The following SLC24A1 variants were observed in gnomAD, a reference collection of about 807,000 sequenced individuals.
The protein encoded by SLC24A1 is solute carrier family 24 member 1, also known as sodium/potassium/calcium exchanger 1.
A neutral mutation model predicts 88.1 loss-of-function variants in SLC24A1; 52 were observed. That is an observed-to-expected ratio of 0.59 (90% CI 0.47 to 0.74). The LOEUF (loss-of-function observed/expected upper bound fraction) is 0.74. Among genes scored for constraint, SLC24A1 ranks in the 30% least tolerant of loss-of-function variants. The pLI, the probability that SLC24A1 is intolerant of heterozygous loss-of-function variation, is 0.00. For missense variants in SLC24A1, 1,173 were observed against 1,363.3 expected (o/e 0.86, Z 2.20); for synonymous variants, 455 against 498.0 (o/e 0.91, Z 1.15).
In SLC24A1 at chr15:65,624,061, A is replaced by G; in HGVS notation, c.-20A>G. ...AGGACAGAATGAGAGGCCTTCTGTA[A>G]CCAGATATAACTGGCCAGCATGGGG... On this transcript the variant is annotated 5_prime_UTR_variant, in exon 2 of 10. The change abolishes the stop of an existing upstream ORF in the 5' untranslated region. Coordinates refer to ENST00000261892, the MANE Select transcript of SLC24A1 (RefSeq NM_004727.3). 6.5e-7 allele frequency: 1 copy of G among 1,544,440 alleles called. No homozygotes were observed.
chr15:65,645,309 T>C (rs1211406123), intron 5 of SLC24A1, among the ~76,000 whole-genome samples: 1 of 152,208 alleles, frequency 6.6e-6, no homozygotes, highest in Non-Finnish European at 1.5e-5. Flanking sequence ...AGCTTTGCCC[T>C]CTCTCTGTTC....
intron 2 of SLC24A1, among the ~76,000 whole-genome samples, chr15:65,626,258 A>G (rs906062102): frequency 1.3e-4 from 20 of 152,192 alleles, no homozygotes; most frequent in African/African-American, 4.6e-4. Context: ...CCACATGTTC[A>G]AGGTCACACA....
chr15:65,619,394 T>G (rs1393144615), upstream of SLC24A1, among the ~76,000 whole-genome samples: 1 of 152,172 alleles, frequency 6.6e-6, no homozygotes, highest in Non-Finnish European at 1.5e-5. Flanking sequence ...ATTGGAATAC[T>G]TATTGGTGGG....
At chr15:65,635,211 G>A (rs1488124410) in intron 2 of SLC24A1, among the ~76,000 whole-genome samples, 1 of 151,944 alleles carries the variant, frequency 6.6e-6, no homozygotes, top group Admixed American at 6.5e-5. Flanking sequence ...TTGGCCAGGC[G>A]CAGTGGCTCA....
chr15:65,637,527 T>G (rs1197575080), intron 2 of SLC24A1, among the ~76,000 whole-genome samples: 1 of 152,178 alleles, frequency 6.6e-6, no homozygotes, highest in Non-Finnish European at 1.5e-5. Context: ...TAGAATAGAT[T>G]AAGTGTATTT....
chr15:65,619,767 G>A (rs550526952), upstream of SLC24A1, among the ~76,000 whole-genome samples: 8 of 152,254 alleles, frequency 5.3e-5, no homozygotes, highest in South Asian at 2.1e-4. Flanking sequence ...CCTCCTTGCC[G>A]TCCTGCCAAA....
In SLC24A1 at chr15:65,623,979, C is replaced by A; in HGVS notation, c.-102C>A. The A allele has an allele frequency of 9.2e-7, 1 of 1,088,482 alleles. No homozygotes were observed. The highest frequency in any genetic ancestry group is 1.3e-6 in the Non-Finnish European group (1 of 750,094). The allele number at this position is 1,088,482 out of a possible 1,614,324, so 67.4% of individuals were successfully genotyped here. A position where few individuals can be genotyped will look rare whatever the true frequency, so the allele number is the denominator to read the frequency against. ...GGGTTGTGGATACCCCCTGGCTGGGCTTCATGGAGAAATCTTCTCTGATCA... is the reference window on the plus strand; with the variant it reads ...GGGTTGTGGATACCCCCTGGCTGGGATTCATGGAGAAATCTTCTCTGATCA... On this transcript the variant is annotated 5_prime_UTR_variant, in exon 2 of 10. Coordinates refer to ENST00000261892, the MANE Select transcript of SLC24A1 (RefSeq NM_004727.3).
At chr15:65,644,583 C>A in intron 5 of SLC24A1, 70 bp downstream of exon 5, 1 of 1,135,240 alleles carries the variant, frequency 8.8e-7, no homozygotes, top group Non-Finnish European at 1.3e-6. Context: ...TGAGCTTGGC[C>A]TGGAGGCAGC....
intron 3 of SLC24A1, among the ~76,000 whole-genome samples, chr15:65,638,459 A>C (rs910869803): frequency 6.6e-6 from 1 of 152,142 alleles, no homozygotes; most frequent in Non-Finnish European, 1.5e-5. Context: ...TGAGCTTCAG[A>C]TTCTGCATCT....
intron 2 of SLC24A1, among the ~76,000 whole-genome samples, chr15:65,616,277 A>G (rs145109597): frequency 0.062 from 9,503 of 152,188 alleles, 315 homozygotes; most frequent in African/African-American, 0.091. Flanking sequence ...TGGTATTTCT[A>G]CTTCTAGATC....
At chr15:65,616,894 A>G (rs2074162971) in intron 2 of SLC24A1, among the ~76,000 whole-genome samples, 1 of 152,164 alleles carries the variant, frequency 6.6e-6, no homozygotes. Flanking sequence ...TCTTGAATTA[A>G]TTTTTGTATA....
In SLC24A1 at chr15:65,656,056, G is replaced by A; in HGVS notation, c.*1977G>A. On this transcript the variant is annotated 3_prime_UTR_variant, in exon 10 of 10. Coordinates refer to ENST00000261892, the MANE Select transcript of SLC24A1 (RefSeq NM_004727.3). Reference sequence around the variant, plus strand: ...GGAGGAGAAGGCAATGCTTGTGGGAGGGAGGTCCCAATACCAAAATTCTGG... The same window carrying A: ...GGAGGAGAAGGCAATGCTTGTGGGAAGGAGGTCCCAATACCAAAATTCTGG... 8.1e-6 allele frequency: 8 copies of A among 985,362 alleles called. No homozygotes were observed. The highest frequency in any genetic ancestry group is 9.6e-6 in the Non-Finnish European group (8 of 829,902). The allele number at this position is 985,362 out of a possible 1,614,324, so 61.0% of individuals were successfully genotyped here. A position where few individuals can be genotyped will look rare whatever the true frequency, so the allele number is the denominator to read the frequency against.
chr15:65,617,490 ATTGTGAACGGGAGTTCACTCAT>A (rs1356157050), upstream of SLC24A1, among the ~76,000 whole-genome samples: 18 of 152,278 alleles, frequency 1.2e-4, no homozygotes, highest in African/African-American at 4.3e-4. Flanking sequence ...CTTTGTAGCA[ATTGTGAACGGGAGTTCACTCAT>A]GATTTGGCTC....
chr15:65,658,796 C>G (rs962798819), downstream of SLC24A1, among the ~76,000 whole-genome samples: 1 of 151,992 alleles, frequency 6.6e-6, no homozygotes, highest in Non-Finnish European at 1.5e-5. Context: ...ACTTAAGTAT[C>G]ATAGTAATTA....
downstream of SLC24A1, among the ~76,000 whole-genome samples, chr15:65,657,573 G>C (rs2075726345): frequency 6.6e-6 from 1 of 152,214 alleles, no homozygotes; most frequent in East Asian, 1.9e-4. Context: ...AACCCCGGGG[G>C]GCGGAGCCTG....
In SLC24A1 at chr15:65,650,725, G is replaced by C. The variant is rs1016035124; in HGVS notation, c.2576G>C (p.Ser859Thr). Reference protein sequence around the residue: ...EDGGGSDGGDSEEEEEEEEEQ... With the variant: ...EDGGGSDGGDTEEEEEEEEEQ... ...GGAGGGGGAAGTGATGGAGGGGATA[G>C]CGAAGAGGAGGAAGAGGAGGAGGAA... is the stretch of plus-strand genomic sequence containing the variant. The change falls in exon 7 of 10, where the codon AGC becomes ACC. Residue 859 changes from serine to threonine, a missense_variant. Transcript: ENST00000261892. The surrounding 1 kb of genome is among the most constrained non-coding windows in gnomAD (Gnocchi z 4.1). 1 of 1,572,916 alleles carries C rather than the reference G, an allele frequency of 6.4e-7. No individual in the cohort carries two copies. The highest frequency in any genetic ancestry group is 8.6e-7 in the Non-Finnish European group (1 of 1,158,896).
At chr15:65,645,739 A>T (rs1566961808) in intron 6 of SLC24A1, 36 bp downstream of exon 6, 1 of 1,454,230 alleles carries the variant, frequency 6.9e-7, no homozygotes, top group South Asian at 1.2e-5. Flanking sequence ...AAAATTGGAG[A>T]GGTCTAGGGA....
rs1290812953 is a variant in SLC24A1, at chr15:65,652,722, C to G, written c.2964C>G (p.Ile988Met). The change falls in exon 9 of 10, where the codon ATC becomes ATG. Residue 988 changes from isoleucine to methionine, a missense_variant. By Grantham distance (10) the Ile-to-Met change is conservative (BLOSUM62 1). Transcript: ENST00000261892. ...CAGGCACATCAATTCCTGACCTCATCACCAGTGTGATTGTCGCTCGAAAAG... is the reference window on the plus strand; with the variant it reads ...CAGGCACATCAATTCCTGACCTCATGACCAGTGTGATTGTCGCTCGAAAAG... ...LAAGTSIPDL[I>M]TSVIVARKGL... 3.1e-6 allele frequency: 5 copies of G among 1,613,884 alleles called. No individual in the cohort carries two copies. The highest frequency in any genetic ancestry group is 1.6e-4 in the Middle Eastern group (1 of 6,062).
chr15:65,659,233 T>C (rs1283799516), downstream of SLC24A1: 1 of 150,890 alleles, frequency 6.6e-6, no homozygotes, highest in Non-Finnish European at 1.5e-5. Context: ...CTCTCCAACA[T>C]GATTGGCCAT....
Sources: gnomAD v4.1 joint callset for allele counts (sites outside exome capture counted in the v4.1 genomes callset) on GRCh38, gnomAD v4.1.1 for gene constraint, Gnocchi (gnomAD v3.1) non-coding constraint, MANE v1.5 for transcripts, NCBI Gene and HGNC (gene_info 2026-07-23, HGNC 2026-07-21) for gene names.